The following GRIK3 variants were observed in gnomAD, a reference collection of about 807,000 sequenced individuals.
GRIK3 encodes the protein glutamate ionotropic receptor kainate type subunit 3, also known as glutamate receptor ionotropic, kainate 3.
GRIK3 carries 29 observed loss-of-function variants against 102.5 expected under a neutral mutation model. The ratio of observed to expected loss-of-function variants is 0.28; its 90% CI spans 0.21 to 0.39. The LOEUF (loss-of-function observed/expected upper bound fraction) is 0.39. GRIK3 is among the 10% of genes least tolerant of loss of function. The probability of loss-of-function intolerance (pLI) is 1.00; values close to 1 mark genes in which losing one functional copy is unlikely to be tolerated. For missense variants in GRIK3, 908 were observed against 1,252.4 expected, an observed-to-expected ratio of 0.73 and a Z score of 4.15; for synonymous variants, 511 against 504.9, an observed-to-expected ratio of 1.01 and a Z score of -0.16.
chr1:36,879,142 C>T (rs1640939290), intron 3 of GRIK3, among the ~76,000 whole-genome samples: 1 of 152,074 alleles, frequency 6.6e-6, no homozygotes, highest in Admixed American at 6.5e-5. Context: ...TCTGTTCATG[C>T]AGATGGCTAT....
intron 1 of GRIK3, among the ~76,000 whole-genome samples, chr1:37,015,074 T>C (rs1026660620): frequency 6.6e-6 from 1 of 152,128 alleles, no homozygotes; most frequent in Non-Finnish European, 1.5e-5. Flanking sequence ...CAGAATATCC[T>C]GGTCCCATCT....
rs1642865281 is a variant in GRIK3 at position 37,034,395 on chromosome 1, T to C, written c.-287A>G. The stretch of plus-strand genomic sequence containing the variant: ...GACTCGGCTCCGGCTCCGACTCGCG[T>C]CGGCTCGGCTCCCGCGCGGGCTCCC... On this transcript the variant is annotated 5_prime_UTR_variant, in exon 1 of 16. Coordinates refer to ENST00000373091, the MANE Select transcript of GRIK3 (RefSeq NM_000831.4). Among the ~76,000 whole-genome samples, 1 of 150,616 alleles carries C rather than the reference T, an allele frequency of 6.6e-6. No individual in the cohort carries two copies. The highest frequency in any genetic ancestry group is 2.4e-5 in the African/African-American group (1 of 41,148).
rs111237586 is a variant in GRIK3 at position 36,909,043 on chromosome 1, A to T, written c.116-17947T>A. On this transcript the variant is annotated intron_variant, in intron 1 of 15. Transcript: ENST00000373091. The stretch of plus-strand genomic sequence containing the variant: ...ACAACCCCATTAGAGAGGAAGTAAC[A>T]TTGCCTCAATTTACACAGGAGAAAA... Among the ~76,000 whole-genome samples, 816 of 152,280 alleles carry T rather than the reference A, an allele frequency of 5.4e-3. 9 individuals are homozygous for T. Among genetic ancestry groups the T allele is most frequent in the African/African-American group, 0.019 (784 of 41,558 alleles).
At chr1:36,834,928 T>C (rs1640355066) in intron 10 of GRIK3, among the ~76,000 whole-genome samples, 1 of 152,220 alleles carries the variant, frequency 6.6e-6, no homozygotes. Flanking sequence ...GGACATCTCT[T>C]CCTCATTCTT....
At chr1:37,014,154 A>G (rs1356130068) in intron 1 of GRIK3, among the ~76,000 whole-genome samples, 1 of 152,216 alleles carries the variant, frequency 6.6e-6, no homozygotes, top group East Asian at 1.9e-4. Flanking sequence ...AATTGTTTCC[A>G]TGCATAACAT....
At chr1:36,881,731 C>T (rs545693543) in intron 2 of GRIK3, among the ~76,000 whole-genome samples, 108 of 152,286 alleles carry the variant, frequency 7.1e-4, no homozygotes, top group African/African-American at 2.5e-3. Flanking sequence ...AGGTAGATTA[C>T]GTCACTCCTT....
At chr1:36,920,823 C>T (rs1641458391) in intron 1 of GRIK3, among the ~76,000 whole-genome samples, 1 of 152,190 alleles carries the variant, frequency 6.6e-6, no homozygotes, top group Admixed American at 6.5e-5. Flanking sequence ...GGGGAGTGAG[C>T]TGATGGGCAA....
chr1:36,933,540 C>T (rs1437028524), intron 1 of GRIK3, among the ~76,000 whole-genome samples: 2 of 152,172 alleles, frequency 1.3e-5, no homozygotes, highest in African/African-American at 4.8e-5. Flanking sequence ...CTATTATTTT[C>T]CTTAGAATTA....
intron 1 of GRIK3, among the ~76,000 whole-genome samples, chr1:36,998,012 G>A (rs1216581729): frequency 2.6e-5 from 4 of 152,192 alleles, no homozygotes; most frequent in Admixed American, 2.0e-4. Context: ...TGACTTCAGA[G>A]CATAGAACAA....
intron 1 of GRIK3, among the ~76,000 whole-genome samples, chr1:36,986,440 A>G (rs1642306301): frequency 6.9e-6 from 1 of 145,548 alleles, no homozygotes; most frequent in Non-Finnish European, 1.5e-5. Context: ...CCATCCATCC[A>G]TCCATCCATC....
At chr1:36,804,707 T>C in intron 15 of GRIK3, 1 of 522,352 alleles carries the variant, frequency 1.9e-6, no homozygotes, top group South Asian at 3.2e-5. Context: ...GAATTGTGGA[T>C]GGTGTTGGGG....
chr1:36,955,091 G>A (rs544541624), intron 1 of GRIK3, among the ~76,000 whole-genome samples: 1 of 152,348 alleles, frequency 6.6e-6, no homozygotes, highest in Non-Finnish European at 1.5e-5. Context: ...CCAACCCCAA[G>A]CAGACTTCAG....
intron 1 of GRIK3, among the ~76,000 whole-genome samples, chr1:36,959,833 TGTGA>T (rs1641981046): frequency 5.5e-4 from 58 of 105,594 alleles, no homozygotes; most frequent in East Asian, 8.7e-4. Context: ...CTGTGTGCCC[TGTGA>T]GTCTGTGTGC....
intron 1 of GRIK3, among the ~76,000 whole-genome samples, chr1:36,903,125 T>A (rs1043237436): frequency 6.6e-6 from 1 of 152,108 alleles, no homozygotes; most frequent in Non-Finnish European, 1.5e-5. Context: ...AAACCACTTT[T>A]AAAATTCAAC....
intron 1 of GRIK3, among the ~76,000 whole-genome samples, chr1:36,926,498 C>T (rs1641529656): frequency 6.6e-6 from 1 of 151,870 alleles, no homozygotes. Context: ...TCAAGCGATT[C>T]TTCTGCCTCA....
chr1:36,885,244 G>A (rs938324429), intron 2 of GRIK3, among the ~76,000 whole-genome samples: 7 of 152,144 alleles, frequency 4.6e-5, no homozygotes, highest in African/African-American at 1.4e-4. Context: ...AGGGGATGAC[G>A]GGATGTCAGC....
At chr1:37,033,950 C>A (rs752928934) in intron 1 of GRIK3, 44 bp downstream of exon 1, 1 of 1,151,712 alleles carries the variant, frequency 8.7e-7, no homozygotes, top group Admixed American at 2.1e-5. Context: ...CATTCCCGCC[C>A]CCTCCCGGGC....
intron 11 of GRIK3, among the ~76,000 whole-genome samples, chr1:36,821,124 C>T (rs920863379): frequency 6.6e-6 from 1 of 152,182 alleles, no homozygotes; most frequent in African/African-American, 2.4e-5. Flanking sequence ...TCTTTTCTGT[C>T]TCCCTTCTAA....
intron 10 of GRIK3, among the ~76,000 whole-genome samples, chr1:36,828,346 C>T (rs1169119400): frequency 6.6e-6 from 1 of 152,208 alleles, no homozygotes; most frequent in Non-Finnish European, 1.5e-5. Context: ...CAGTCATGTG[C>T]TGCCTAACTC....
Sources: gnomAD v4.1 joint callset for allele counts (sites outside exome capture counted in the v4.1 genomes callset) on GRCh38, gnomAD v4.1.1 for gene constraint, MANE v1.5 for transcripts, NCBI Gene and HGNC (gene_info 2026-07-23, HGNC 2026-07-21) for gene names.